The following TMPRSS7 variants were observed in gnomAD, a reference collection of about 807,000 sequenced individuals.
TMPRSS7 encodes transmembrane protease serine 7.
In TMPRSS7, 81 loss-of-function variants were observed where a neutral mutation model predicts 95.6. That is an observed-to-expected ratio of 0.85 (90% CI 0.71 to 1.02). The LOEUF is 1.02. Among genes scored for constraint, TMPRSS7 ranks in the 50% least tolerant of loss-of-function variants. TMPRSS7 has a pLI of 0.00. For missense variants in TMPRSS7, 945 were observed against 955.2 expected, an observed-to-expected ratio of 0.99 and a Z score of 0.14; for synonymous variants, 364 against 337.8, an observed-to-expected ratio of 1.08 and a Z score of -0.85.
intron 1 of TMPRSS7, among the ~76,000 whole-genome samples, chr3:112,036,859 T>C (rs1576092637): frequency 6.6e-6 from 1 of 152,226 alleles, no homozygotes; most frequent in Non-Finnish European, 1.5e-5. Context: ...AATACTTTCA[T>C]AATTTCTTAC....
intron 16 of TMPRSS7, among the ~76,000 whole-genome samples, chr3:112,078,320 C>T (rs1576125294): frequency 6.6e-6 from 1 of 152,296 alleles, no homozygotes; most frequent in Non-Finnish European, 1.5e-5. Flanking sequence ...GGAAGTGAAA[C>T]AGCTATTTGC....
rs977348500 is a variant in TMPRSS7 at position 112,080,903 on chromosome 3, T to C, written c.2362-11T>C. ...CAATTTACTTTATACTTACATTTTT[T>C]GTGTGTGTAGGGAGATTCGGGTGGA... On this transcript the variant is annotated splice_polypyrimidine_tract_variant and intron_variant, in intron 17 of 17. Coordinates refer to ENST00000452346, the Ensembl canonical transcript of TMPRSS7. The C allele has an allele frequency of 6.2e-7, 1 of 1,604,150 alleles. No individual in the cohort carries two copies. The highest frequency in any genetic ancestry group is 1.3e-5 in the African/African-American group (1 of 74,378).
At chr3:112,069,682 A>AT (rs546921912) in intron 13 of TMPRSS7, among the ~76,000 whole-genome samples, 2 of 152,100 alleles carry the variant, frequency 1.3e-5, no homozygotes, top group African/African-American at 4.8e-5. Context: ...CCCCTTTATC[A>AT]TTTTTTATTG....
In TMPRSS7 at chr3:112,045,614, C is replaced by A. The variant is rs567701616; in HGVS notation, c.498-136C>A. The A allele has an allele frequency of 3.0e-5, 23 of 762,150 alleles. No individual in the cohort carries two copies. In the African/African-American group the frequency reaches 3.7e-4, roughly 12 times the overall value. The allele number at this position is 762,150 out of a possible 1,614,324, so 47.2% of individuals were successfully genotyped here. ...CTTTGCCAATCTTCATAACAGACGTCAATGACTACCTAAAGAAGGGAGCTA... is the reference window on the plus strand; with the variant it reads ...CTTTGCCAATCTTCATAACAGACGTAAATGACTACCTAAAGAAGGGAGCTA... On this transcript the variant is annotated intron_variant, in intron 4 of 17. Transcript: ENST00000452346.
chr3:112,065,804 A>C (rs2073569170), intron 12 of TMPRSS7, among the ~76,000 whole-genome samples: 1 of 152,254 alleles, frequency 6.6e-6, no homozygotes, highest in Non-Finnish European at 1.5e-5. Context: ...TCATGAAACT[A>C]TTCCAAAGAG....
chr3:112,058,757 C>T (rs903497957), intron 10 of TMPRSS7, among the ~76,000 whole-genome samples: 7 of 152,258 alleles, frequency 4.6e-5, no homozygotes, highest in Middle Eastern at 6.8e-3. Flanking sequence ...ATCACAACAA[C>T]GACCCGGGAT....
At chr3:112,055,269 A>G (rs2073418333) in intron 9 of TMPRSS7, among the ~76,000 whole-genome samples, 3 of 152,114 alleles carry the variant, frequency 2.0e-5, no homozygotes, top group Non-Finnish European at 1.5e-5. Context: ...TGGAAAAGTT[A>G]CTTATCTTGG....
chr3:112,075,323 T>A (rs377267792), exon 15 of TMPRSS7: 1 of 1,407,742 alleles, frequency 7.1e-7, no homozygotes, highest in African/African-American at 1.5e-5. Context: ...CACCAAAGCC[T>A]GCAGCAGGAG....
chr3:112,055,462 CACAG>C (rs973892427), intron 9 of TMPRSS7, among the ~76,000 whole-genome samples: 55 of 151,726 alleles, frequency 3.6e-4, no homozygotes, highest in Admixed American at 7.2e-4. Flanking sequence ...CAGACACACA[CACAG>C]ACACACACAC....
At chr3:112,056,981 TTTGA>T in intron 9 of TMPRSS7, 40 bp from the exon 10 acceptor site, 1 of 1,391,184 alleles carries the variant, frequency 7.2e-7, no homozygotes, top group Non-Finnish European at 1.0e-6. Context: ...AAATACATAC[TTTGA>T]TTGAAGCATT....
chr3:112,070,025 G>A (rs1208502784), intron 13 of TMPRSS7, among the ~76,000 whole-genome samples: 1 of 152,144 alleles, frequency 6.6e-6, no homozygotes, highest in Non-Finnish European at 1.5e-5. Context: ...CTGGTACATT[G>A]CATCTTTGTT....
chr3:112,062,561 G>C (rs1159583338), intron 11 of TMPRSS7, among the ~76,000 whole-genome samples: 1 of 152,188 alleles, frequency 6.6e-6, no homozygotes, highest in East Asian at 1.9e-4. Flanking sequence ...AGTCCACAGG[G>C]ATATGACTTG....
At chr3:112,057,561 C>G (rs1249940027) in intron 10 of TMPRSS7, among the ~76,000 whole-genome samples, 1 of 152,152 alleles carries the variant, frequency 6.6e-6, no homozygotes, top group African/African-American at 2.4e-5. Context: ...AATCAGAAAT[C>G]TAGGGGCTTA....
intron 13 of TMPRSS7, among the ~76,000 whole-genome samples, chr3:112,072,494 C>T (rs1406338765): frequency 6.6e-6 from 1 of 152,254 alleles, no homozygotes. Flanking sequence ...AAGCACTGCT[C>T]TCTTTAGAGC....
chr3:112,039,162 A>C (rs948811514), intron 2 of TMPRSS7, among the ~76,000 whole-genome samples: 3 of 152,162 alleles, frequency 2.0e-5, no homozygotes, highest in Admixed American at 6.5e-5. Flanking sequence ...TAGAGTTCTC[A>C]CTTATGCAAC....
chr3:112,051,390 T>G (rs774769), intron 9 of TMPRSS7, among the ~76,000 whole-genome samples: 137,781 of 152,154 alleles, frequency 0.91, 63,065 homozygotes, highest in East Asian at 1. Context: ...TTTTATATAA[T>G]ATACTTCAGT....
Position 112,061,859 on chromosome 3 carries a change from G to A in TMPRSS7, c.1383G>A (p.Gln461=), listed in dbSNP as rs370856661. The change falls in exon 11 of 18, where the codon CAG becomes CAA. Residue 461 remains glutamine (Q), a synonymous_variant. Transcript: ENST00000452346. ...GCCCTCTGGTTCACATTCAGCTCCA[G>A]TGCAGTTCAAGGCTTTCAGACAAGC... 4.8e-4 allele frequency: 776 copies of A among 1,612,690 alleles called. 2 individuals are homozygous for A. The highest frequency in any genetic ancestry group is 2.6e-3 in the South Asian group (238 of 90,762).
At chr3:112,077,272 A>T in intron 16 of TMPRSS7, 128 bp downstream of exon 16, 1 of 1,047,432 alleles carries the variant, frequency 9.5e-7, no homozygotes, top group Non-Finnish European at 1.4e-6. Context: ...CAACTCTGGA[A>T]GGTTGGATTG....
chr3:112,047,451 C>T, intron 6 of TMPRSS7: 1 of 585,802 alleles, frequency 1.7e-6, no homozygotes, highest in South Asian at 1.5e-5. Flanking sequence ...ACTGACATGC[C>T]TATTCTTGAA....
Sources: gnomAD v4.1 joint callset for allele counts (sites outside exome capture counted in the v4.1 genomes callset) on GRCh38, gnomAD v4.1.1 for gene constraint, MANE v1.5 for transcripts, NCBI Gene and HGNC (gene_info 2026-07-23, HGNC 2026-07-21) for gene names.